Variants in DDX60L observed in about 807,000 individuals in gnomAD.
DDX60L encodes probable ATP-dependent RNA helicase DDX60-like.
In DDX60L, 191 loss-of-function variants were observed where a neutral mutation model predicts 211.6. That is an observed-to-expected ratio of 0.90 (90% CI 0.80 to 1.02). DDX60L has a LOEUF of 1.02. DDX60L is among the 50% of genes least tolerant of loss of function. The probability of loss-of-function intolerance (pLI) is 0.00; values close to 1 mark genes in which losing one functional copy is unlikely to be tolerated. For missense variants in DDX60L, 2,007 were observed against 1,984.1 expected (o/e 1.01, Z -0.22); for synonymous variants, 706 against 694.1 (o/e 1.02, Z -0.27).
rs201327903 is a variant in DDX60L at position 168,425,193 on chromosome 4, ATTAT to A, written c.1931-1423_1931-1420del. ...AGAAATAAACTATCTTTTTTAAGCC[ATTAT>A]TAATTCCTATCTCTGTTAATAGCTA... On this transcript the variant is annotated intron_variant, in intron 14 of 37. Coordinates refer to ENST00000682922, the MANE Select transcript of DDX60L (RefSeq NM_001012967.3). 5.5e-3 allele frequency among the ~76,000 whole-genome samples: 838 copies of A among 152,318 alleles called. 7 individuals are homozygous for A. Among genetic ancestry groups the A allele is most frequent in the African/African-American group, 0.016 (668 of 41,570 alleles).
At chr4:168,379,539 T>C (rs764202315) in intron 31 of DDX60L, 35 bp from the exon 32 acceptor site, 7 of 1,467,716 alleles carry the variant, frequency 4.8e-6, no homozygotes, top group Non-Finnish European at 6.4e-6. Context: ...ATTTAACTTG[T>C]CATGTACTCA....
At position 168,379,556 on chromosome 4, in the gene DDX60L, A is replaced by G. The variant is rs542581298; in HGVS notation, c.4222-52T>C. The G allele has an allele frequency of 3.6e-5, 50 of 1,379,186 alleles. No homozygotes were observed. In the African/African-American group the frequency reaches 5.7e-4, roughly 16 times the overall value. 85.4% of individuals were successfully genotyped at this position (1,379,186 alleles called of 1,614,324 possible). A position where few individuals can be genotyped will look rare whatever the true frequency, so the allele number is the denominator to read the frequency against. On this transcript the variant is annotated intron_variant, in intron 31 of 37. Transcript: ENST00000682922. ...TTAACTTGTCATGTACTCAAATACC[A>G]TAAAATACCAGTGTGAGTGACTGAC...
chr4:168,426,271 CAA>C (rs2149907643), intron 14 of DDX60L, among the ~76,000 whole-genome samples: 1 of 152,278 alleles, frequency 6.6e-6, no homozygotes, highest in Non-Finnish European at 1.5e-5. Context: ...TGGTTGCTGG[CAA>C]AAGACATGAG....
chr4:168,470,816 T>C (rs1728928918), intron 4 of DDX60L: 2 of 253,854 alleles, frequency 7.9e-6, no homozygotes, highest in Non-Finnish European at 1.6e-5. Context: ...CTTCAGCCTG[T>C]GCAAAAAGAG....
At chr4:168,379,555 C>A in intron 31 of DDX60L, 51 bp from the exon 32 acceptor site, 1 of 1,372,260 alleles carries the variant, frequency 7.3e-7, no homozygotes, top group South Asian at 1.5e-5. Flanking sequence ...ACTCAAATAC[C>A]ATAAAATACC....
intron 36 of DDX60L, among the ~76,000 whole-genome samples, chr4:168,366,251 A>C (rs1201649927): frequency 2.6e-5 from 4 of 152,170 alleles, no homozygotes; most frequent in Non-Finnish European, 5.9e-5. Context: ...TAAAGACTTA[A>C]TGAAAAACTG....
At position 168,416,785 on chromosome 4, in the gene DDX60L, C is replaced by A; in HGVS notation, c.2623G>T (p.Gly875Cys). Residue 875 changes from glycine (G) to cysteine (C), a missense_variant, in exon 20 of 38, where the codon GGC (glycine) becomes TGC (cysteine). Transcript: ENST00000682922. ...YVIFDEVHYL[G>C]REVGAKFWEL... ...CAAAATTTTGCTCCAACTTCTCTGC[C>A]AAGATAATGGACCTAGTAAAGAAAA... is the stretch of plus-strand genomic sequence containing the variant. 1 of 1,579,044 alleles carries A rather than the reference C, an allele frequency of 6.3e-7. No individual in the cohort carries two copies. Among genetic ancestry groups the A allele is most frequent in the Non-Finnish European group, 8.6e-7 (1 of 1,160,424 alleles).
At chr4:168,396,657 A>G (rs749547139) in intron 26 of DDX60L, among the ~76,000 whole-genome samples, 9 of 152,058 alleles carry the variant, frequency 5.9e-5, no homozygotes, top group Non-Finnish European at 1.3e-4. Context: ...ATCATTCATT[A>G]CACATCCAAC....
chr4:168,454,569 C>CAGCTATT (rs1227465809), intron 7 of DDX60L, among the ~76,000 whole-genome samples: 5 of 152,038 alleles, frequency 3.3e-5, no homozygotes, highest in Non-Finnish European at 7.4e-5. Flanking sequence ...AGGTTGAAAG[C>CAGCTATT]AGCTATTAGC....
chr4:168,426,099 C>T (rs969461671), intron 14 of DDX60L, among the ~76,000 whole-genome samples: 8 of 152,108 alleles, frequency 5.3e-5, no homozygotes, highest in Admixed American at 1.3e-4. Context: ...GGTTGTGTAC[C>T]GTTACCTAGG....
Position 168,415,457 on chromosome 4 carries a change from T to G in DDX60L, c.2930A>C (p.Asp977Ala), listed in dbSNP as rs756775838. ...GGGATGAAAATGATCAAAATAAACA[T>G]CATCATGTTTTACTGAACATATATG... is the stretch of plus-strand genomic sequence containing the variant. ...EKHICSVKHD[D>A]VYFDHFHPCA... The change falls in exon 22 of 38, where the codon GAT becomes GCT. Residue 977 changes from aspartate (D) to alanine (A), a missense_variant. Transcript: ENST00000682922. 6 of 1,608,040 alleles carry G rather than the reference T, an allele frequency of 3.7e-6. No homozygotes were observed. In the South Asian group the frequency reaches 6.7e-5, roughly 18 times the overall value.
At chr4:168,361,092 A>G in intron 37 of DDX60L, 57 bp downstream of exon 37, 1 of 1,229,382 alleles carries the variant, frequency 8.1e-7, no homozygotes, top group East Asian at 2.4e-5. Flanking sequence ...GAAGAGCTAT[A>G]TGTTTGCTAA....
rs60506391 is a variant in DDX60L, at chr4:168,438,854, C to T, written c.1294+2483G>A. ...AGGACTCTAATAGTTAGGGGTATTT[C>T]TTCCTTATTTTGTCTTGAAAATACG... On this transcript the variant is annotated intron_variant, in intron 10 of 37. Coordinates refer to ENST00000682922, the MANE Select transcript of DDX60L (RefSeq NM_001012967.3). Among the ~76,000 whole-genome samples, 940 of 152,328 alleles carry T rather than the reference C, an allele frequency of 6.2e-3. 8 individuals carry two copies. The highest frequency in any genetic ancestry group is 0.02 in the African/African-American group (824 of 41,574).
intron 30 of DDX60L, chr4:168,380,582 A>G (rs1742761956): frequency 6.6e-6 from 1 of 152,198 alleles, no homozygotes; most frequent in Admixed American, 6.5e-5. Context: ...ATAAGCCAAT[A>G]AAATGTCTTT....
chr4:168,430,791 T>C (rs1040951346), intron 12 of DDX60L, among the ~76,000 whole-genome samples, 153 bp from the exon 13 acceptor site: 1 of 152,258 alleles, frequency 6.6e-6, no homozygotes, highest in South Asian at 2.1e-4. Context: ...ATTCCCTATA[T>C]TATTTGAAGA....
intron 27 of DDX60L, among the ~76,000 whole-genome samples, chr4:168,394,841 A>G (rs1745496620): frequency 6.6e-6 from 1 of 152,232 alleles, no homozygotes; most frequent in African/African-American, 2.4e-5. Context: ...AAAGGGGAAG[A>G]TGCTATTGAA....
chr4:168,401,032 T>C (rs1746707163), intron 25 of DDX60L, 54 bp from the exon 26 acceptor site: 4 of 1,530,950 alleles, frequency 2.6e-6, no homozygotes, highest in Non-Finnish European at 3.6e-6. Context: ...ATCCATATTG[T>C]AAACCAAAAA....
rs531932481 is a variant in DDX60L at position 168,407,778 on chromosome 4, G to A, written c.2980-1072C>T. 6.9e-4 allele frequency among the ~76,000 whole-genome samples: 105 copies of A among 152,294 alleles called. No individual in the cohort carries two copies. In the South Asian group the frequency reaches 7.5e-3, roughly 11 times the overall value. On this transcript the variant is annotated intron_variant, in intron 22 of 37. Transcript: ENST00000682922. The stretch of plus-strand genomic sequence containing the variant: ...GAAAGGCTGTTTGATGGACTGTACC[G>A]CACAGCTGGGTTCTAATCACAGCTC...
chr4:168,379,632 G>T, intron 31 of DDX60L, 94 bp downstream of exon 31: 1 of 1,189,098 alleles, frequency 8.4e-7, no homozygotes, highest in Non-Finnish European at 1.2e-6. Flanking sequence ...CATTATCATT[G>T]AATGCAGATT....
Sources: gnomAD v4.1 joint callset for allele counts (sites outside exome capture counted in the v4.1 genomes callset) on GRCh38, gnomAD v4.1.1 for gene constraint, MANE v1.5 for transcripts, NCBI Gene and HGNC (gene_info 2026-07-23, HGNC 2026-07-21) for gene names.